PLEKHA7: variants seen among roughly 807,000 people sequenced by gnomAD.
PLEKHA7 encodes the protein pleckstrin homology domain-containing family A member 7.
PLEKHA7 carries 104 observed loss-of-function variants against 170.0 expected under a neutral mutation model. The observed-to-expected ratio is 0.61, with a 90% CI of 0.52 to 0.72. PLEKHA7 has a LOEUF of 0.72. Ranked by LOEUF, PLEKHA7 falls within the 30% of genes least tolerant of loss-of-function variation. The probability of loss-of-function intolerance (pLI) is 0.00; values close to 1 mark genes in which losing one functional copy is unlikely to be tolerated. For synonymous variants in PLEKHA7, 648 were observed against 660.8 expected, an observed-to-expected ratio of 0.98 and a Z score of 0.30; for missense variants, 1,615 against 1,671.7, an observed-to-expected ratio of 0.97 and a Z score of 0.59.
At chr11:16,786,891 C>G (rs739937) in intron 23 of PLEKHA7, 312,417 of 985,078 alleles carry the variant, frequency 0.32, 51,575 homozygotes, top group East Asian at 0.41. Flanking sequence ...GGATCTCGCA[C>G]TTACAGTAGG....
chr11:16,902,327 G>T (rs1463617114), intron 3 of PLEKHA7, among the ~76,000 whole-genome samples: 1 of 152,174 alleles, frequency 6.6e-6, no homozygotes, highest in African/African-American at 2.4e-5. Flanking sequence ...TGTGTAGGTG[G>T]ACATGGTTTC....
intron 3 of PLEKHA7, among the ~76,000 whole-genome samples, chr11:16,972,401 C>T (rs111745989): frequency 7.9e-4 from 119 of 150,894 alleles, no homozygotes; most frequent in African/African-American, 2.8e-3. Flanking sequence ...GGATTACAGG[C>T]GTGAGTCACT....
At chr11:16,973,980 G>A (rs1862888597) in intron 3 of PLEKHA7, among the ~76,000 whole-genome samples, 1 of 152,038 alleles carries the variant, frequency 6.6e-6, no homozygotes, top group Admixed American at 6.6e-5. Flanking sequence ...TTCTACCAAA[G>A]GGTTCTTCTT....
intron 3 of PLEKHA7, among the ~76,000 whole-genome samples, chr11:16,876,324 ACT>A (rs1394551894): frequency 6.6e-6 from 1 of 151,986 alleles, no homozygotes; most frequent in Non-Finnish European, 1.5e-5. Context: ...GAGAACAAAA[ACT>A]CTCTCTGTTC....
Position 16,976,959 on chromosome 11 carries a change from C to T in PLEKHA7, c.221+37030G>A, listed in dbSNP as rs112401179. Among the ~76,000 whole-genome samples, 907 of 152,294 alleles carry T rather than the reference C, an allele frequency of 6.0e-3. 7 individuals carry two copies. The highest frequency in any genetic ancestry group is 0.019 in the African/African-American group (807 of 41,550). On this transcript the variant is annotated intron_variant, in intron 3 of 26. Transcript: ENST00000531066. ...GCACCTGGCAGTGTGCAGTTACACT[C>T]CAGGACACAGAACACACAGCTATCT...
rs1403964147 is a variant in PLEKHA7 at position 16,855,924 on chromosome 11, G to C, written c.306-10C>G. The C allele has an allele frequency of 6.2e-7, 1 of 1,601,192 alleles. No individual in the cohort carries two copies. Among genetic ancestry groups the C allele is most frequent in the African/African-American group, 1.3e-5 (1 of 74,588 alleles). On this transcript the variant is annotated splice_polypyrimidine_tract_variant and intron_variant, in intron 4 of 26. Coordinates refer to ENST00000531066, the MANE Select transcript of PLEKHA7 (RefSeq NM_001329630.2). Reference sequence around the variant, plus strand: ...CATATGTGGATTCGGCCTGTGAGGAGACAGGGGATTCCAGTGAGTAAAAGC... The same window carrying C: ...CATATGTGGATTCGGCCTGTGAGGACACAGGGGATTCCAGTGAGTAAAAGC...
At chr11:17,011,262 A>G (rs1489986444) in intron 3 of PLEKHA7, among the ~76,000 whole-genome samples, 2 of 152,166 alleles carry the variant, frequency 1.3e-5, no homozygotes, top group Non-Finnish European at 2.9e-5. Context: ...AGTGAGATGC[A>G]GGCCATGGAT....
intron 13 of PLEKHA7, among the ~76,000 whole-genome samples, chr11:16,811,240 G>A (rs1386163585): frequency 2.0e-5 from 3 of 152,200 alleles, no homozygotes; most frequent in Non-Finnish European, 4.4e-5. Context: ...CACTGCTCTT[G>A]CTCAGGTGCA....
At chr11:16,937,986 G>C (rs1048457502) in intron 3 of PLEKHA7, among the ~76,000 whole-genome samples, 13 of 152,202 alleles carry the variant, frequency 8.5e-5, no homozygotes, top group Admixed American at 3.9e-4. Flanking sequence ...GAAGCTCCAA[G>C]TCAAATGTGC....
chr11:16,822,318 A>T (rs906131857), intron 10 of PLEKHA7, among the ~76,000 whole-genome samples: 3 of 151,948 alleles, frequency 2.0e-5, no homozygotes, highest in Non-Finnish European at 4.4e-5. Flanking sequence ...TCCTGAGCTA[A>T]CTTTGACCCT....
At chr11:16,960,661 A>T (rs550735389) in intron 3 of PLEKHA7, among the ~76,000 whole-genome samples, 74 of 152,238 alleles carry the variant, frequency 4.9e-4, no homozygotes, top group African/African-American at 1.7e-3. Context: ...GAGAAAGGGG[A>T]GCCACAGCCC....
At chr11:16,886,126 T>A (rs1163797614) in intron 3 of PLEKHA7, among the ~76,000 whole-genome samples, 8 of 149,894 alleles carry the variant, frequency 5.3e-5, no homozygotes, top group Admixed American at 2.0e-4. Flanking sequence ...AAAGGAAGAG[T>A]GGTACCAGTG....
At chr11:17,002,348 G>A (rs1218512516) in intron 3 of PLEKHA7, among the ~76,000 whole-genome samples, 2 of 151,838 alleles carry the variant, frequency 1.3e-5, no homozygotes, top group Admixed American at 1.3e-4. Flanking sequence ...AAGTTACAGT[G>A]AGCTGAGATG....
At chr11:16,910,651 G>A (rs1590587753) in intron 3 of PLEKHA7, among the ~76,000 whole-genome samples, 2 of 152,136 alleles carry the variant, frequency 1.3e-5, no homozygotes, top group Admixed American at 6.5e-5. Flanking sequence ...GAGATTTTTG[G>A]TTGTCACAAC....
intron 3 of PLEKHA7, among the ~76,000 whole-genome samples, chr11:16,958,744 C>T (rs954999483): frequency 5.3e-5 from 8 of 152,134 alleles, no homozygotes; most frequent in African/African-American, 1.9e-4. Flanking sequence ...ATGCTAAAAT[C>T]GTAGCTATCA....
At chr11:16,977,783 G>A (rs1863162399) in intron 3 of PLEKHA7, among the ~76,000 whole-genome samples, 1 of 152,160 alleles carries the variant, frequency 6.6e-6, no homozygotes, top group Non-Finnish European at 1.5e-5. Context: ...ACACAGTATG[G>A]TCAAATCCTC....
intron 3 of PLEKHA7, among the ~76,000 whole-genome samples, chr11:16,943,373 C>T (rs547368047): frequency 3.9e-5 from 6 of 152,160 alleles, no homozygotes; most frequent in Non-Finnish European, 7.4e-5. Context: ...TGGTCAGTGG[C>T]TACCTTTCTG....
rs1854543466 is a variant in PLEKHA7, at chr11:16,868,165, T to C, written c.305+2934A>G. On this transcript the variant is annotated intron_variant, in intron 4 of 26. Transcript: ENST00000531066. ...TCCCTAAGCCAGGTTAGAGTCCCCT[T>C]TATCAATTCCCATTGAACCCTATGT... 2.6e-5 allele frequency among the ~76,000 whole-genome samples: 4 copies of C among 152,154 alleles called. No homozygotes were observed. In the South Asian group the frequency reaches 8.3e-4, roughly 32 times the overall value.
intron 3 of PLEKHA7, among the ~76,000 whole-genome samples, chr11:16,887,593 G>A (rs927112299): frequency 6.6e-6 from 1 of 152,138 alleles, no homozygotes; most frequent in Admixed American, 6.5e-5. Context: ...ACGGGGTTTC[G>A]CTGTGTTGGC....
Sources: allele counts gnomAD v4.1 joint callset (sites outside exome capture counted in the v4.1 genomes callset), GRCh38; gene constraint gnomAD v4.1.1; transcripts MANE v1.5; gene names NCBI Gene and HGNC (gene_info 2026-07-23, HGNC 2026-07-21).